NEDD4: variants seen among roughly 807,000 people sequenced by gnomAD.
NEDD4 encodes the protein E3 ubiquitin-protein ligase NEDD4.
In NEDD4, 99 loss-of-function variants were observed where a neutral mutation model predicts 144.9. The observed-to-expected ratio is 0.68, with a 90% confidence interval of 0.58 to 0.81. The LOEUF is 0.81. Ranked by LOEUF, NEDD4 falls within the 30% of genes least tolerant of loss-of-function variation. The probability of loss-of-function intolerance (pLI) is 0.00; values close to 1 mark genes in which losing one functional copy is unlikely to be tolerated. For synonymous variants in NEDD4, 318 were observed against 350.6 expected (o/e 0.91, Z 1.04); for missense variants, 985 against 1,065.9 (o/e 0.92, Z 1.06).
intron 9 of NEDD4, among the ~76,000 whole-genome samples, chr15:55,862,177 C>T (rs1595763216): frequency 6.6e-6 from 1 of 152,162 alleles, no homozygotes; most frequent in East Asian, 1.9e-4. Flanking sequence ...TGTAAAAGTG[C>T]TTGGCATATA....
At chr15:55,943,357 T>C (rs978142385) in intron 4 of NEDD4, among the ~76,000 whole-genome samples, 4 of 152,150 alleles carry the variant, frequency 2.6e-5, no homozygotes, top group Non-Finnish European at 5.9e-5. Flanking sequence ...CAGCTCCTCC[T>C]ATCACAGCCC....
At chr15:55,972,576 C>T (rs183931492) in intron 1 of NEDD4, among the ~76,000 whole-genome samples, 9 of 152,144 alleles carry the variant, frequency 5.9e-5, no homozygotes, top group Admixed American at 5.2e-4. Context: ...AAAGAAAACA[C>T]TTTCACAAAA....
intron 5 of NEDD4, among the ~76,000 whole-genome samples, chr15:55,880,156 G>A (rs557910222): frequency 1.3e-4 from 20 of 152,260 alleles, no homozygotes; most frequent in African/African-American, 4.6e-4. Flanking sequence ...GCAGGGCATA[G>A]TGGTACATGC....
rs1196999088 is a variant in NEDD4 at position 55,893,444 on chromosome 15, C to T, written c.292-19436G>A. Among the ~76,000 whole-genome samples the T allele has an allele frequency of 2.6e-5, 4 of 151,650 alleles. No homozygotes were observed. The South Asian group carries it at 6.3e-4, about 24-fold the overall frequency. On this transcript the variant is annotated intron_variant, in intron 5 of 28. Coordinates refer to ENST00000435532, the MANE Select transcript of NEDD4 (RefSeq NM_006154.4). Reference sequence around the variant, plus strand: ...GAAATACTTCAGAGATCACAAAAGACCAGAATACAATTAAAAACTTAAAGT... The same window carrying T: ...GAAATACTTCAGAGATCACAAAAGATCAGAATACAATTAAAAACTTAAAGT...
At chr15:55,965,552 G>C (rs1400548803) in intron 2 of NEDD4, among the ~76,000 whole-genome samples, 1 of 152,072 alleles carries the variant, frequency 6.6e-6, no homozygotes, top group Non-Finnish European at 1.5e-5. Context: ...CTCTCTTCCA[G>C]AATCCTTACC....
intron 1 of NEDD4, among the ~76,000 whole-genome samples, chr15:55,985,112 C>G (rs958194971): frequency 6.6e-6 from 1 of 152,176 alleles, no homozygotes; most frequent in Non-Finnish European, 1.5e-5. Context: ...CAAAAGAATC[C>G]CATTTTCTAT....
chr15:55,846,951 A>G lies in NEDD4; in HGVS notation c.1608+18T>C. On this transcript the variant is annotated intron_variant, in intron 18 of 28. Coordinates refer to ENST00000435532, the MANE Select transcript of NEDD4 (RefSeq NM_006154.4). Reference sequence around the variant, plus strand: ...ATATATTGATGACTCTTAAGTATTTATTATAAACATGACTAACCTGCTTCT... The same window carrying G: ...ATATATTGATGACTCTTAAGTATTTGTTATAAACATGACTAACCTGCTTCT... 1 of 1,491,202 alleles carries G rather than the reference A, an allele frequency of 6.7e-7. No homozygotes were observed. The highest frequency in any genetic ancestry group is 9.3e-7 in the Non-Finnish European group (1 of 1,072,282). 92.4% of individuals were successfully genotyped at this position (1,491,202 alleles called of 1,614,324 possible).
intron 1 of NEDD4, among the ~76,000 whole-genome samples, chr15:55,978,415 T>G (rs1014224752): frequency 6.6e-6 from 1 of 152,210 alleles, no homozygotes; most frequent in African/African-American, 2.4e-5. Flanking sequence ...TTCTAGAGAA[T>G]TGTCAAATTA....
At chr15:55,873,464 C>A (rs1282108758) in intron 6 of NEDD4, among the ~76,000 whole-genome samples, 1 of 151,754 alleles carries the variant, frequency 6.6e-6, no homozygotes, top group African/African-American at 2.4e-5. Flanking sequence ...TCTTATCTTC[C>A]AAGTTCAACT....
chr15:55,873,967 A>G lies in NEDD4; in HGVS notation c.333T>C (p.Tyr111=). ...GGACACCTATACCAACCGGTAATGGATAAAGTGGAACATCCACTTGACCTA... is the reference window on the plus strand; with the variant it reads ...GGACACCTATACCAACCGGTAATGGGTAAAGTGGAACATCCACTTGACCTA... The part of the protein sequence containing the change: ...DFLGQVDVPL[Y]PLPTENPRLE... The change falls in exon 6 of 29, where the codon TAT becomes TAC. Residue 111 remains tyrosine, a synonymous_variant. Coordinates refer to ENST00000435532, the MANE Select transcript of NEDD4 (RefSeq NM_006154.4). 2 of 1,546,210 alleles carry G rather than the reference A, an allele frequency of 1.3e-6. No individual in the cohort carries two copies. The highest frequency in any genetic ancestry group is 2.4e-5 in the South Asian group (2 of 81,754).
At chr15:55,888,604 C>A (rs2035467583) in intron 5 of NEDD4, among the ~76,000 whole-genome samples, 1 of 152,104 alleles carries the variant, frequency 6.6e-6, no homozygotes, top group South Asian at 2.1e-4. Flanking sequence ...AAAACAGAAT[C>A]CTGAAATTTA....
intron 5 of NEDD4, chr15:55,905,138 C>G: frequency 3.1e-6 from 1 of 320,674 alleles, no homozygotes. Context: ...ATTTCATTTA[C>G]TGCAAATGAA....
intron 27 of NEDD4, 69 bp from the exon 28 acceptor site, chr15:55,830,655 C>G (rs2032906050): frequency 5.2e-6 from 6 of 1,143,252 alleles, no homozygotes; most frequent in Non-Finnish European, 6.6e-6. Flanking sequence ...AAAACTTTTT[C>G]TAGTGTACAC....
chr15:55,993,428 G>T, intron 1 of NEDD4, 83 bp downstream of exon 1: 3 of 1,528,962 alleles, frequency 2.0e-6, no homozygotes, highest in East Asian at 2.6e-5. Context: ...GCCTCCGGTC[G>T]TGGCCGCCGC....
At chr15:55,841,302 T>C (rs765951355) in intron 19 of NEDD4, among the ~76,000 whole-genome samples, 2 of 152,182 alleles carry the variant, frequency 1.3e-5, no homozygotes, top group Non-Finnish European at 2.9e-5. Context: ...TTCTGATACA[T>C]ACTACAACAT....
intron 5 of NEDD4, among the ~76,000 whole-genome samples, chr15:55,874,731 T>A: frequency 6.6e-6 from 1 of 152,184 alleles, no homozygotes; most frequent in African/African-American, 2.4e-5. Flanking sequence ...CCCAGCACTT[T>A]GGGAGGCCGA....
chr15:55,839,191 G>A (rs1403795478), intron 21 of NEDD4, among the ~76,000 whole-genome samples: 1 of 151,766 alleles, frequency 6.6e-6, no homozygotes, highest in Admixed American at 6.6e-5. Context: ...ACCACGCCTG[G>A]CTAATTTTTG....
At chr15:55,832,775 G>C (rs1427328211) in intron 27 of NEDD4, among the ~76,000 whole-genome samples, 3 of 152,100 alleles carry the variant, frequency 2.0e-5, no homozygotes. Flanking sequence ...TTAAAGAACG[G>C]AAAGTGACTC....
chr15:55,867,379 T>C (rs949565448), intron 8 of NEDD4, among the ~76,000 whole-genome samples: 1 of 152,182 alleles, frequency 6.6e-6, no homozygotes, highest in Non-Finnish European at 1.5e-5. Flanking sequence ...CACTGAGACA[T>C]GAGACCGCAA....
Sources: allele counts gnomAD v4.1 joint callset (sites outside exome capture counted in the v4.1 genomes callset), GRCh38; gene constraint gnomAD v4.1.1; transcripts MANE v1.5; gene names NCBI Gene and HGNC (gene_info 2026-07-23, HGNC 2026-07-21).